HFM1: variants seen among roughly 807,000 people sequenced by gnomAD.
The protein encoded by HFM1 is helicase for meiosis 1.
A neutral mutation model predicts 192.1 loss-of-function variants in HFM1; 169 were observed. The ratio of observed to expected loss-of-function variants is 0.88; its 90% CI spans 0.78 to 1.00. The LOEUF is 1.00. Ranked by LOEUF, HFM1 falls within the 50% of genes least tolerant of loss-of-function variation. The pLI is 0.00. For missense variants in HFM1, 1,661 were observed against 1,668.0 expected (o/e 1.00, Z 0.07); for synonymous variants, 525 against 537.8 (o/e 0.98, Z 0.33).
At chr1:91,404,557 G>A (rs906015463) in intron 1 of HFM1, 1 of 236,076 alleles carries the variant, frequency 4.2e-6, no homozygotes, top group South Asian at 4.1e-5. Flanking sequence ...CCCGCCCTGC[G>A]CCCGAGCGCG....
Position 91,261,323 on chromosome 1 carries a change from C to T in HFM1, c.4275G>A (p.Lys1425=). ...TACCATCAAATATTCCCAATAAAGA[C>T]TTCATTTCATCAGCTTCATCATCAG... ...YHPDDEADEM[K]SLLGIFDGIF is the part of the protein sequence containing the mutation. The change falls in exon 39 of 39, where the codon AAG becomes AAA. Residue 1425 remains lysine, a synonymous_variant. Coordinates refer to ENST00000370425, the MANE Select transcript of HFM1 (RefSeq NM_001017975.6). The T allele has an allele frequency of 7.0e-7, 1 of 1,420,212 alleles. No homozygotes were observed. Among genetic ancestry groups the T allele is most frequent in the East Asian group, 2.7e-5 (1 of 37,612 alleles). The allele number at this position is 1,420,212 out of a possible 1,614,324, so 88.0% of individuals were successfully genotyped here. A position where few individuals can be genotyped will look rare whatever the true frequency, so the allele number is the denominator to read the frequency against.
intron 30 of HFM1, among the ~76,000 whole-genome samples, chr1:91,278,640 C>T (rs985198289): frequency 2.6e-5 from 4 of 152,126 alleles, no homozygotes; most frequent in Non-Finnish European, 5.9e-5. Context: ...CAAGTCATGG[C>T]ACGTCTAGAC....
At chr1:91,332,277 A>G (rs1653948805) in intron 20 of HFM1, among the ~76,000 whole-genome samples, 1 of 152,216 alleles carries the variant, frequency 6.6e-6, no homozygotes, top group South Asian at 2.1e-4. Flanking sequence ...ATGGAACAGA[A>G]TAAGGAACCC....
intron 34 of HFM1, among the ~76,000 whole-genome samples, chr1:91,271,712 C>G (rs1373507414): frequency 1.3e-5 from 2 of 151,392 alleles, no homozygotes; most frequent in Admixed American, 1.3e-4. Context: ...GATGCAGAGA[C>G]AGGGAAATAT....
chr1:91,365,976 A>G (rs1452148884), intron 13 of HFM1, among the ~76,000 whole-genome samples: 1 of 151,816 alleles, frequency 6.6e-6, no homozygotes, highest in African/African-American at 2.4e-5. Flanking sequence ...CTGAAAAAAA[A>G]AAAAAAACAG....
intron 34 of HFM1, among the ~76,000 whole-genome samples, chr1:91,271,783 T>C (rs71668068): frequency 7.0e-4 from 106 of 152,276 alleles, no homozygotes; most frequent in Non-Finnish European, 1.1e-3. Context: ...CAATTTTCAG[T>C]TCTCCACTGA....
intron 32 of HFM1, among the ~76,000 whole-genome samples, chr1:91,275,080 G>A (rs1011711252): frequency 6.6e-6 from 1 of 150,964 alleles, no homozygotes; most frequent in Non-Finnish European, 1.5e-5. Flanking sequence ...TGCCTCCCAG[G>A]TTTAAGCAAT....
At chr1:91,289,307 G>A (rs531844213) in intron 30 of HFM1, among the ~76,000 whole-genome samples, 49 of 151,996 alleles carry the variant, frequency 3.2e-4, no homozygotes, top group African/African-American at 4.6e-4. Flanking sequence ...GACGATGGGC[G>A]GCCGGGCAGA....
intron 17 of HFM1, 96 bp from the exon 18 acceptor site, chr1:91,350,967 T>C: frequency 1.1e-6 from 1 of 921,138 alleles, no homozygotes; most frequent in South Asian, 2.5e-5. Context: ...ATTGCTACTT[T>C]ACTAATTCAT....
chr1:91,297,572 G>A (rs908780375), intron 30 of HFM1, among the ~76,000 whole-genome samples: 11 of 152,180 alleles, frequency 7.2e-5, no homozygotes, highest in Non-Finnish European at 1.2e-4. Context: ...TCACACAGCC[G>A]GGTACCCCTC....
At chr1:91,387,307 G>A (rs1045695352) in intron 4 of HFM1, among the ~76,000 whole-genome samples, 29 of 151,740 alleles carry the variant, frequency 1.9e-4, no homozygotes, top group African/African-American at 7.0e-4. Flanking sequence ...AGCCGACATC[G>A]AAGGATCAAA....
chr1:91,392,641 T>C (rs1663146180), intron 4 of HFM1, among the ~76,000 whole-genome samples: 1 of 152,106 alleles, frequency 6.6e-6, no homozygotes, highest in Admixed American at 6.6e-5. Context: ...AAATACCTAA[T>C]GTAAATGACG....
At chr1:91,342,089 G>A (rs1285860456) in intron 20 of HFM1, among the ~76,000 whole-genome samples, 2 of 135,406 alleles carry the variant, frequency 1.5e-5, no homozygotes, top group African/African-American at 5.5e-5. Context: ...CTCATTCTAT[G>A]AGGCCAGCAT....
At chr1:91,401,398 T>G (rs1053471958) in intron 1 of HFM1, among the ~76,000 whole-genome samples, 3 of 152,188 alleles carry the variant, frequency 2.0e-5, no homozygotes, top group Non-Finnish European at 4.4e-5. Flanking sequence ...ATCCTTCAAG[T>G]TATAGGTCAA....
chr1:91,267,856 C>T lies in HFM1; in HGVS notation c.3773-1G>A. ...AATTCAAAGTTCACATTCAAAACTTCTGAAAATAGAGAATTGCTTTTATCT... is the reference window on the plus strand; with the variant it reads ...AATTCAAAGTTCACATTCAAAACTTTTGAAAATAGAGAATTGCTTTTATCT... On this transcript the variant is annotated splice_acceptor_variant, in intron 34 of 38. Coordinates refer to ENST00000370425, the MANE Select transcript of HFM1 (RefSeq NM_001017975.6). LOFTEE classifies it high-confidence loss of function. 1 of 1,504,538 alleles carries T rather than the reference C, an allele frequency of 6.6e-7. No homozygotes were observed. Among genetic ancestry groups the T allele is most frequent in the African/African-American group, 1.4e-5 (1 of 71,052 alleles). 93.2% of individuals were successfully genotyped at this position (1,504,538 alleles called of 1,614,324 possible). A position where few individuals can be genotyped will look rare whatever the true frequency, so the allele number is the denominator to read the frequency against.
chr1:91,298,114 C>G (rs1176421595), intron 30 of HFM1, among the ~76,000 whole-genome samples: 1 of 152,170 alleles, frequency 6.6e-6, no homozygotes, highest in African/African-American at 2.4e-5. Context: ...GAGCTGAAAA[C>G]CACAGCACAA....
intron 7 of HFM1, 145 bp from the exon 8 acceptor site, chr1:91,380,381 C>T (rs752648687): frequency 2.0e-6 from 1 of 502,392 alleles, no homozygotes; most frequent in South Asian, 4.2e-5. Flanking sequence ...TGTAACTTTG[C>T]TCCAGAGCCT....
In HFM1 at chr1:91,273,812, T is replaced by C. The variant is rs752398655; in HGVS notation, c.3672A>G (p.Ser1224=). 9.9e-6 allele frequency: 15 copies of C among 1,510,644 alleles called. No homozygotes were observed. The highest frequency in any genetic ancestry group is 3.5e-5 in the South Asian group (3 of 86,646). 93.6% of individuals were successfully genotyped at this position (1,510,644 alleles called of 1,614,324 possible). ...PKPSLPSISR[S]EYLNISELPI... is the part of the protein sequence containing the mutation. ...GCAATTCAGATATGTTTAAATATTC[T>C]GACCTTTATAAAGATAAAACCATGA... is the stretch of plus-strand genomic sequence containing the variant. Residue 1224 remains serine (S), a synonymous_variant, in exon 34 of 39, where the codon TCA becomes TCG. Coordinates refer to ENST00000370425, the MANE Select transcript of HFM1 (RefSeq NM_001017975.6).
rs201708032 is a variant in HFM1 at position 91,313,978 on chromosome 1, T to C, written c.3223A>G (p.Asn1075Asp). The C allele has an allele frequency of 7.5e-6, 12 of 1,596,928 alleles. No homozygotes were observed. Among genetic ancestry groups the C allele is most frequent in the Non-Finnish European group, 9.4e-6 (11 of 1,167,004 alleles). The change falls in exon 29 of 39, where the codon AAT (asparagine) becomes GAT (aspartate). Residue 1075 changes from asparagine (N) to aspartate (D), a missense_variant. By Grantham distance (23) the Asn-to-Asp change is conservative. Coordinates refer to ENST00000370425, the MANE Select transcript of HFM1 (RefSeq NM_001017975.6). ...RALKSEDLSI[N>D]LISSEFVGLD... Reference sequence around the variant, plus strand: ...TTACCAAATTCAGAACTTATTAGATTTATGCTAAGATCTTCAGATTTAAGA... The same window carrying C: ...TTACCAAATTCAGAACTTATTAGATCTATGCTAAGATCTTCAGATTTAAGA...
Sources: allele counts gnomAD v4.1 joint callset (sites outside exome capture counted in the v4.1 genomes callset), GRCh38; gene constraint gnomAD v4.1.1; transcripts MANE v1.5; gene names NCBI Gene and HGNC (gene_info 2026-07-23, HGNC 2026-07-21).